KCNH7: variants seen among roughly 807,000 people sequenced by gnomAD.
KCNH7 encodes voltage-gated inwardly rectifying potassium channel KCNH7.
Under a neutral mutation model 120.8 loss-of-function variants are expected in KCNH7, and 49 were observed. The observed-to-expected ratio is 0.41, with a 90% CI of 0.32 to 0.51. KCNH7 has a LOEUF of 0.51. KCNH7 is among the 20% of genes least tolerant of loss of function. The pLI is 0.38. For missense variants in KCNH7, 1,097 were observed against 1,446.6 expected, an observed-to-expected ratio of 0.76 and a Z score of 3.92; for synonymous variants, 547 against 516.1, an observed-to-expected ratio of 1.06 and a Z score of -0.81.
At chr2:162,456,432 G>A (rs1449398645) in intron 6 of KCNH7, among the ~76,000 whole-genome samples, 1 of 151,922 alleles carries the variant, frequency 6.6e-6, no homozygotes, top group African/African-American at 2.4e-5. Context: ...GCAATTATGT[G>A]GTCGATTTTA....
At chr2:162,573,491 C>T (rs963253269) in intron 2 of KCNH7, among the ~76,000 whole-genome samples, 1 of 151,916 alleles carries the variant, frequency 6.6e-6, no homozygotes, top group Non-Finnish European at 1.5e-5. Flanking sequence ...TAGAAAATAG[C>T]AAGCTATGCA....
rs947668000 is a variant in KCNH7 at position 162,505,272 on chromosome 2, T to C, written c.914-615A>G. Among the ~76,000 whole-genome samples the C allele has an allele frequency of 7.2e-5, 11 of 151,980 alleles. 1 individual carries two copies. Among genetic ancestry groups the C allele is most frequent in the Admixed American group, 5.9e-4 (9 of 15,228 alleles). ...CATTTTTGTGTGAATGTGTGTACTC[T>C]ATTGAAAACTCTTGGATCATATGTG... On this transcript the variant is annotated intron_variant, in intron 5 of 15. Transcript: ENST00000332142.
Position 162,384,883 on chromosome 2 carries a change from A to G in KCNH7, c.2767T>C (p.Ser923Pro). The part of the protein sequence containing the change: ...SADTIRHYQS[S>P]KRHFEEKKSR... ...TTTTTCTCTTCAAAGTGTCTCTTGG[A>G]ACTCTGATAATGTCTTATGGTATCT... The change falls in exon 13 of 16, where the codon TCC becomes CCC. Residue 923 changes from serine to proline, a missense_variant. Ser to Pro is a moderately conservative substitution (Grantham distance 74, BLOSUM62 -1). Around this residue, in one of 8 missense-constraint regions of KCNH7, gnomAD observed 406 missense variants for 410.5 expected, o/e 0.99. Coordinates refer to ENST00000332142, the MANE Select transcript of KCNH7 (RefSeq NM_033272.4). 3 of 1,612,226 alleles carry G rather than the reference A, an allele frequency of 1.9e-6. No homozygotes were observed. Among genetic ancestry groups the G allele is most frequent in the Non-Finnish European group, 2.5e-6 (3 of 1,178,666 alleles).
chr2:162,579,833 G>A (rs1675154347), intron 2 of KCNH7, among the ~76,000 whole-genome samples: 2 of 151,938 alleles, frequency 1.3e-5, no homozygotes, highest in Non-Finnish European at 2.9e-5. Flanking sequence ...TCTCAGAAAG[G>A]CTGACAACTG....
At chr2:162,504,829 A>G (rs1259227048) in intron 5 of KCNH7, among the ~76,000 whole-genome samples, 172 bp from the exon 6 acceptor site, 3 of 151,936 alleles carry the variant, frequency 2.0e-5, no homozygotes, top group Non-Finnish European at 2.9e-5. Flanking sequence ...GGCCACATGG[A>G]ATGGCATGTG....
chr2:162,720,473 A>G (rs996745458), intron 2 of KCNH7, among the ~76,000 whole-genome samples: 1 of 152,026 alleles, frequency 6.6e-6, no homozygotes, highest in African/African-American at 2.4e-5. Flanking sequence ...TTTAAAAACC[A>G]GCTCTATTTT....
At chr2:162,567,864 A>T (rs999332573) in intron 2 of KCNH7, among the ~76,000 whole-genome samples, 2 of 152,046 alleles carry the variant, frequency 1.3e-5, no homozygotes, top group African/African-American at 4.8e-5. Flanking sequence ...GTCCCATAAG[A>T]TTATAATACC....
At chr2:162,473,232 TAAAAATA>T (rs993832077) in intron 6 of KCNH7, among the ~76,000 whole-genome samples, 2 of 147,064 alleles carry the variant, frequency 1.4e-5, no homozygotes, top group East Asian at 2.0e-4. Context: ...TAAAAATAAA[TAAAAATA>T]AAAAATAAAA....
intron 2 of KCNH7, among the ~76,000 whole-genome samples, chr2:162,705,620 T>C (rs1404710895): frequency 6.6e-6 from 1 of 152,138 alleles, no homozygotes; most frequent in Non-Finnish European, 1.5e-5. Flanking sequence ...ATTTGTCCAA[T>C]AATGATACTT....
intron 3 of KCNH7, among the ~76,000 whole-genome samples, chr2:162,532,747 A>C (rs1399677344): frequency 6.6e-6 from 1 of 151,946 alleles, no homozygotes; most frequent in Non-Finnish European, 1.5e-5. Flanking sequence ...GCCAAAAGAA[A>C]AGTAAGAAGT....
At chr2:162,745,764 A>C (rs548654531) in intron 2 of KCNH7, among the ~76,000 whole-genome samples, 1 of 152,222 alleles carries the variant, frequency 6.6e-6, no homozygotes, top group South Asian at 2.1e-4. Flanking sequence ...TATATAATTT[A>C]TTCTAAGCAT....
intron 2 of KCNH7, among the ~76,000 whole-genome samples, chr2:162,688,031 A>C (rs1222973092): frequency 6.6e-6 from 1 of 152,196 alleles, no homozygotes; most frequent in Non-Finnish European, 1.5e-5. Flanking sequence ...TTTTGAGAAT[A>C]AAATTAAAAA....
At chr2:162,526,157 A>C (rs1691697706) in intron 3 of KCNH7, among the ~76,000 whole-genome samples, 2 of 151,856 alleles carry the variant, frequency 1.3e-5, no homozygotes, top group Admixed American at 1.3e-4. Flanking sequence ...GCAAGTTTTT[A>C]TTAGTGATTT....
intron 2 of KCNH7, among the ~76,000 whole-genome samples, chr2:162,769,266 C>A (rs985708960): frequency 6.6e-6 from 1 of 151,986 alleles, no homozygotes; most frequent in African/African-American, 2.4e-5. Context: ...GATATGCACA[C>A]AAATTGTATT....
intron 2 of KCNH7, chr2:162,784,999 T>A (rs899289228): frequency 2.0e-5 from 3 of 152,214 alleles, no homozygotes; most frequent in Non-Finnish European, 4.4e-5. Flanking sequence ...ACAGAAATTA[T>A]GACCAGACCA....
At chr2:162,378,507 C>G (rs918460609) in intron 14 of KCNH7, among the ~76,000 whole-genome samples, 7 of 152,168 alleles carry the variant, frequency 4.6e-5, no homozygotes, top group Admixed American at 3.9e-4. Context: ...AGGCAAAACT[C>G]ATAGATGTGT....
intron 2 of KCNH7, among the ~76,000 whole-genome samples, chr2:162,739,030 G>A (rs2105405912): frequency 6.6e-6 from 1 of 152,142 alleles, no homozygotes; most frequent in African/African-American, 2.4e-5. Flanking sequence ...CACAACCTGT[G>A]CGGGAGCTCA....
intron 9 of KCNH7, 102 bp from the exon 10 acceptor site, chr2:162,400,543 C>T: frequency 8.5e-7 from 1 of 1,170,344 alleles, no homozygotes; most frequent in Admixed American, 1.9e-5. Flanking sequence ...GTAGTCATTG[C>T]CACGCAGGAG....
chr2:162,674,766 A>G (rs1685477615), intron 2 of KCNH7, among the ~76,000 whole-genome samples: 1 of 151,540 alleles, frequency 6.6e-6, no homozygotes, highest in African/African-American at 2.4e-5. Context: ...TTTACTCAGA[A>G]AAACATCTAT....
Sources: gnomAD v4.1 joint callset for allele counts (sites outside exome capture counted in the v4.1 genomes callset) on GRCh38, gnomAD v4.1.1 for gene constraint, gnomAD v4.1.1 regional missense constraint, MANE v1.5 for transcripts, NCBI Gene and HGNC (gene_info 2026-07-23, HGNC 2026-07-21) for gene names.